Variants in PRKN observed in about 807,000 individuals in gnomAD.
The protein encoded by PRKN is E3 ubiquitin-protein ligase parkin.
PRKN carries 56 observed loss-of-function variants against 59.5 expected under a neutral mutation model. The ratio of observed to expected loss-of-function variants is 0.94; its 90% CI spans 0.76 to 1.18. PRKN has a LOEUF of 1.18. Among genes scored for constraint, PRKN ranks in the 50% most tolerant of loss-of-function variants. PRKN has a pLI of 0.00. For missense variants in PRKN, 657 were observed against 596.4 expected (o/e 1.10, Z -1.06); for synonymous variants, 250 against 222.1 (o/e 1.13, Z -1.12).
At chr6:162,500,867 A>C (rs1793332388) in intron 1 of PRKN, among the ~76,000 whole-genome samples, 1 of 152,212 alleles carries the variant, frequency 6.6e-6, no homozygotes, top group Non-Finnish European at 1.5e-5. Flanking sequence ...TATTACTTAC[A>C]TAATAAAGAT....
At chr6:162,520,097 T>C (rs1778026119) in intron 1 of PRKN, among the ~76,000 whole-genome samples, 1 of 151,990 alleles carries the variant, frequency 6.6e-6, no homozygotes, top group African/African-American at 2.4e-5. Context: ...CAAAAATATA[T>C]ATATATTTTT....
At chr6:162,248,134 T>C (rs1319853812) in intron 3 of PRKN, among the ~76,000 whole-genome samples, 1 of 152,184 alleles carries the variant, frequency 6.6e-6, no homozygotes, top group Non-Finnish European at 1.5e-5. Context: ...AGAAGAGCTA[T>C]GGAATGAGCT....
At chr6:162,427,829 TA>T (rs1742158523) in intron 2 of PRKN, among the ~76,000 whole-genome samples, 1 of 152,170 alleles carries the variant, frequency 6.6e-6, no homozygotes, top group African/African-American at 2.4e-5. Context: ...GCATTTTTTT[TA>T]GTTGAGACGG....
At chr6:162,425,105 T>C (rs1451787047) in intron 2 of PRKN, among the ~76,000 whole-genome samples, 1 of 152,020 alleles carries the variant, frequency 6.6e-6, no homozygotes. Context: ...AGAAGAAAAC[T>C]TATTGACCTG....
chr6:161,597,069 C>A (rs865979423), intron 7 of PRKN, among the ~76,000 whole-genome samples: 3 of 152,148 alleles, frequency 2.0e-5, no homozygotes, highest in African/African-American at 7.2e-5. Flanking sequence ...GAGAGAAATT[C>A]AAAAGAACAA....
chr6:162,345,855 A>G (rs1397261023), intron 2 of PRKN, among the ~76,000 whole-genome samples: 2 of 135,960 alleles, frequency 1.5e-5, no homozygotes, highest in East Asian at 3.8e-4. Flanking sequence ...CTCAAATTTC[A>G]TATGTTGGAA....
rs115662844 is a variant in PRKN at position 161,362,599 on chromosome 6, C to G, written c.1168-2394G>C. ...GGCAGCAGGTTTGGAAAACATTTTT[C>G]TGAACATTCCTAACCATCAGGCCTC... On this transcript the variant is annotated intron_variant, in intron 10 of 11. Transcript: ENST00000366898. This position sits in a 1 kb window ranked among gnomAD's most constrained non-coding sequence, Gnocchi z 5.2. Among the ~76,000 whole-genome samples, 95 of 152,354 alleles carry G rather than the reference C, an allele frequency of 6.2e-4. No individual in the cohort carries two copies. The highest frequency in any genetic ancestry group is 2.2e-3 in the African/African-American group (93 of 41,590).
rs376931979 is a variant in PRKN, at chr6:161,532,395, T to C, written c.1083+16459A>G. Among the ~76,000 whole-genome samples, 20 of 152,050 alleles carry C rather than the reference T, an allele frequency of 1.3e-4. No homozygotes were observed. In the East Asian group the frequency reaches 3.3e-3, roughly 25 times the overall value. On this transcript the variant is annotated intron_variant, in intron 9 of 11. Coordinates refer to ENST00000366898, the MANE Select transcript of PRKN (RefSeq NM_004562.3). ...TGAAGCAGGAGTGTGTATATGGCTG[T>C]GTGTGTATGAGTGTGGGTGTATGTA...
chr6:161,474,897 C>T (rs1204426733), intron 9 of PRKN, among the ~76,000 whole-genome samples: 8 of 150,242 alleles, frequency 5.3e-5, no homozygotes, highest in South Asian at 2.1e-4. Context: ...CCACCACGCC[C>T]GGCCCACTAT....
chr6:161,857,958 A>G lies in PRKN; in HGVS notation c.735-72050T>C, dbSNP rs553999569. On this transcript the variant is annotated intron_variant, in intron 6 of 11. Coordinates refer to ENST00000366898, the MANE Select transcript of PRKN (RefSeq NM_004562.3). ...AGGTTTGTTGTAGCATCCAATTATCACGTTGGTGCAAAGACACTCAGTAGA... is the reference window on the plus strand; with the variant it reads ...AGGTTTGTTGTAGCATCCAATTATCGCGTTGGTGCAAAGACACTCAGTAGA... 6.6e-5 allele frequency among the ~76,000 whole-genome samples: 10 copies of G among 152,212 alleles called. No homozygotes were observed. In the East Asian group the frequency reaches 1.9e-3, roughly 29 times the overall value.
At chr6:161,426,994 C>G (rs1307056308) in intron 9 of PRKN, among the ~76,000 whole-genome samples, 1 of 152,074 alleles carries the variant, frequency 6.6e-6, no homozygotes, top group Non-Finnish European at 1.5e-5. Flanking sequence ...GCTGGGATTA[C>G]AGGCGTGAGC....
chr6:162,279,429 G>GA (rs1395546248), intron 2 of PRKN, among the ~76,000 whole-genome samples: 1 of 148,952 alleles, frequency 6.7e-6, no homozygotes, highest in Non-Finnish European at 1.5e-5. Flanking sequence ...AGGAAAGAAA[G>GA]AAAAAGAAAG....
intron 2 of PRKN, among the ~76,000 whole-genome samples, chr6:162,305,622 T>A (rs1782187940): frequency 6.6e-6 from 1 of 152,166 alleles, no homozygotes; most frequent in Admixed American, 6.5e-5. Context: ...GACATTCTTA[T>A]AAGAAAAATG....
At chr6:161,950,445 G>A (rs1779944208) in intron 6 of PRKN, among the ~76,000 whole-genome samples, 1 of 152,162 alleles carries the variant, frequency 6.6e-6, no homozygotes, top group Non-Finnish European at 1.5e-5. Context: ...TTGGGAGGCT[G>A]AGGCAGGAGA....
At chr6:162,422,716 G>A (rs540013605) in intron 2 of PRKN, among the ~76,000 whole-genome samples, 132 of 152,120 alleles carry the variant, frequency 8.7e-4, no homozygotes, top group African/African-American at 2.9e-3. Flanking sequence ...AGGCTGAGGC[G>A]GGCGGATTGC....
intron 1 of PRKN, among the ~76,000 whole-genome samples, chr6:162,549,545 A>T (rs1023426356): frequency 1.1e-4 from 16 of 152,146 alleles, no homozygotes; most frequent in African/African-American, 3.6e-4. Flanking sequence ...ACACGTTTGC[A>T]AAGACGGATA....
intron 1 of PRKN, among the ~76,000 whole-genome samples, chr6:162,465,957 AAT>A (rs1290397132): frequency 1.3e-5 from 2 of 152,196 alleles, no homozygotes; most frequent in Non-Finnish European, 2.9e-5. Flanking sequence ...TTTGTATATC[AAT>A]ATTTTATCAT....
chr6:162,345,206 G>GA (rs1784346778), intron 2 of PRKN, among the ~76,000 whole-genome samples: 1 of 152,184 alleles, frequency 6.6e-6, no homozygotes, highest in African/African-American at 2.4e-5. Flanking sequence ...TCACTACTGA[G>GA]AAAACATAGA....
chr6:162,284,168 G>A (rs955863915), intron 2 of PRKN, among the ~76,000 whole-genome samples: 10 of 146,146 alleles, frequency 6.8e-5, no homozygotes, highest in Non-Finnish European at 1.4e-4. Context: ...TAATTTCAGA[G>A]ATTTTGAAGG....
Sources: gnomAD v4.1 joint callset for allele counts (sites outside exome capture counted in the v4.1 genomes callset) on GRCh38, gnomAD v4.1.1 for gene constraint, Gnocchi (gnomAD v3.1) non-coding constraint, MANE v1.5 for transcripts, NCBI Gene and HGNC (gene_info 2026-07-23, HGNC 2026-07-21) for gene names.